PHLPP1: variants seen among roughly 807,000 people sequenced by gnomAD.
PHLPP1 encodes PH domain and leucine rich repeat protein phosphatase 1.
PHLPP1 carries 42 observed loss-of-function variants against 117.2 expected under a neutral mutation model. That is an observed-to-expected ratio of 0.36 (90% CI 0.28 to 0.46). The LOEUF (loss-of-function observed/expected upper bound fraction) is 0.46. Among genes scored for constraint, PHLPP1 ranks in the 20% least tolerant of loss-of-function variants. The pLI is 1.00. For missense variants in PHLPP1, 2,084 were observed against 2,241.9 expected (o/e 0.93, Z 1.42); for synonymous variants, 1,042 against 970.7 (o/e 1.07, Z -1.37).
chr18:62,770,572 C>G (rs996189985), intron 1 of PHLPP1, among the ~76,000 whole-genome samples: 1 of 152,168 alleles, frequency 6.6e-6, no homozygotes, highest in African/African-American at 2.4e-5. Context: ...ACCATACATT[C>G]TTTTTGCATT....
chr18:62,761,575 G>A (rs1358360257), intron 1 of PHLPP1, among the ~76,000 whole-genome samples: 1 of 151,962 alleles, frequency 6.6e-6, no homozygotes, highest in African/African-American at 2.4e-5. Context: ...GGAGCTTGCA[G>A]TGAGCCGAGA....
intron 3 of PHLPP1, among the ~76,000 whole-genome samples, chr18:62,840,566 A>G (rs925450399): frequency 2.0e-5 from 3 of 152,180 alleles, no homozygotes; most frequent in Non-Finnish European, 4.4e-5. Context: ...ATTTATATCA[A>G]AGTGGTTTTA....
At position 62,975,452 on chromosome 18, in the gene PHLPP1, A is replaced by C. The variant is rs749357210; in HGVS notation, c.3811A>C (p.Lys1271Gln). 5 of 1,613,928 alleles carry C rather than the reference A, an allele frequency of 3.1e-6. No individual in the cohort carries two copies. The highest frequency in any genetic ancestry group is 1.3e-5 in the African/African-American group (1 of 75,034). Residue 1271 changes from lysine to glutamine, a missense_variant, in exon 16 of 17, where the codon AAG becomes CAG. Physicochemically the swap from Lys to Gln is moderately conservative, Grantham distance 53. Around this residue, in one of 2 missense-constraint regions of PHLPP1, gnomAD observed 1,365 missense variants for 1,605.9 expected, o/e 0.85. Transcript: ENST00000262719. The part of the protein sequence containing the change: ...LGGAAVLCHI[K>Q]HDPVDPGGSF... The stretch of plus-strand genomic sequence containing the variant: ...TGGTGCCGCTGTCCTTTGTCATATC[A>C]AGCATGACCCTGTGGATCCAGGAGG...
intron 1 of PHLPP1, among the ~76,000 whole-genome samples, chr18:62,821,131 T>C (rs1009354481): frequency 3.3e-5 from 5 of 152,060 alleles, no homozygotes; most frequent in African/African-American, 1.2e-4. Flanking sequence ...GAAGAGAATC[T>C]CAAAATTAGT....
At position 62,830,240 on chromosome 18, in the gene PHLPP1, G is replaced by T; in HGVS notation, c.1773+9G>T. The T allele has an allele frequency of 6.5e-7, 1 of 1,546,590 alleles. No individual in the cohort carries two copies. The highest frequency in any genetic ancestry group is 8.7e-7 in the Non-Finnish European group (1 of 1,143,482). ...CACTAATTGGTGGAAAAGTAAGTTT[G>T]TTTGTTTGTTTGTTTATTGAGTCAG... On this transcript the variant is annotated intron_variant, in intron 2 of 16. Transcript: ENST00000262719.
intron 10 of PHLPP1, 52 bp from the exon 11 acceptor site, chr18:62,941,666 T>C (rs1344171130): frequency 5.2e-6 from 7 of 1,358,418 alleles, no homozygotes; most frequent in Non-Finnish European, 6.2e-6. Context: ...TTAGGTTTCT[T>C]GAGGGTTTTT....
At chr18:62,834,382 A>T (rs1914834598) in intron 2 of PHLPP1, among the ~76,000 whole-genome samples, 1 of 152,100 alleles carries the variant, frequency 6.6e-6, no homozygotes, top group African/African-American at 2.4e-5. Context: ...GCTGCAGGGG[A>T]CACTCTTGGC....
chr18:62,771,211 CAAAAAAAAAAA>C (rs766950169), intron 1 of PHLPP1, among the ~76,000 whole-genome samples: 2 of 58,726 alleles, frequency 3.4e-5, no homozygotes, highest in African/African-American at 5.4e-5. Flanking sequence ...GAGACTGTCT[CAAAAAAAAAAA>C]AAAAAAAAGA....
At chr18:62,808,552 T>C (rs997946434) in intron 1 of PHLPP1, among the ~76,000 whole-genome samples, 3 of 151,558 alleles carry the variant, frequency 2.0e-5, no homozygotes, top group African/African-American at 7.3e-5. Flanking sequence ...TCTCTGTTTT[T>C]TTTTGTTTTT....
At chr18:62,848,878 T>C (rs1415523379) in intron 3 of PHLPP1, among the ~76,000 whole-genome samples, 1 of 152,254 alleles carries the variant, frequency 6.6e-6, no homozygotes, top group East Asian at 1.9e-4. Context: ...CATTAAGTTC[T>C]ACTACCTTAC....
At chr18:62,826,231 A>G (rs752993686) in intron 1 of PHLPP1, 4 of 424,328 alleles carry the variant, frequency 9.4e-6, no homozygotes, top group Non-Finnish European at 1.9e-5. Context: ...AAAAGATTGA[A>G]CTAGCTTACT....
intron 1 of PHLPP1, chr18:62,826,200 A>C (rs1266808663): frequency 2.9e-6 from 1 of 339,040 alleles, no homozygotes; most frequent in African/African-American, 2.2e-5. Context: ...TCATATTTTT[A>C]AGGTAGCTTT....
At chr18:62,872,765 T>G (rs562763413) in intron 4 of PHLPP1, among the ~76,000 whole-genome samples, 1 of 151,530 alleles carries the variant, frequency 6.6e-6, no homozygotes, top group East Asian at 1.9e-4. Context: ...GGTGAGTGGA[T>G]TATTTGAGGT....
At chr18:62,920,515 C>G (rs1909428172) in intron 10 of PHLPP1, among the ~76,000 whole-genome samples, 1 of 152,096 alleles carries the variant, frequency 6.6e-6, no homozygotes, top group Non-Finnish European at 1.5e-5. Context: ...TGAATTGTCC[C>G]AGAGTTAGCT....
At chr18:62,875,925 G>T (rs534859024) in intron 4 of PHLPP1, among the ~76,000 whole-genome samples, 2 of 152,040 alleles carry the variant, frequency 1.3e-5, no homozygotes, top group Non-Finnish European at 2.9e-5. Context: ...TAAAGACGGG[G>T]TTTCACCATG....
At chr18:62,957,413 T>A (rs973946451) in intron 12 of PHLPP1, among the ~76,000 whole-genome samples, 6 of 152,100 alleles carry the variant, frequency 3.9e-5, no homozygotes, top group Non-Finnish European at 8.8e-5. Flanking sequence ...AGAGTCCAGA[T>A]GTTGATGCCT....
At chr18:62,853,399 T>TG (rs1446728405) in intron 3 of PHLPP1, among the ~76,000 whole-genome samples, 1 of 151,944 alleles carries the variant, frequency 6.6e-6, no homozygotes, top group East Asian at 1.9e-4. Flanking sequence ...GATGGAGTCT[T>TG]GCTGTTGTTG....
chr18:62,717,225 C>T lies in PHLPP1; in HGVS notation c.1542C>T (p.Asp514=). The T allele has an allele frequency of 1.2e-6, 2 of 1,602,462 alleles. No individual in the cohort carries two copies. The highest frequency in any genetic ancestry group is 1.7e-6 in the Non-Finnish European group (2 of 1,172,576). Residue 514 remains aspartate (D), a synonymous_variant, in exon 1 of 17, where the codon GAC becomes GAT. Coordinates refer to ENST00000262719, the MANE Select transcript of PHLPP1 (RefSeq NM_194449.4). The stretch of plus-strand genomic sequence containing the variant: ...GGAGGGTGCAGGAGGAAGGCATGGA[C>T]TCGGAGATTGGCTGCCTCATCCGCT... ...ELWRVQEEGM[D]SEIGCLIRFY...
At chr18:62,870,958 T>C (rs1318082004) in intron 4 of PHLPP1, among the ~76,000 whole-genome samples, 2 of 152,168 alleles carry the variant, frequency 1.3e-5, no homozygotes, top group Admixed American at 1.3e-4. Flanking sequence ...TTTGGTGGTG[T>C]TGATGGTTTC....
Sources: allele counts gnomAD v4.1 joint callset (sites outside exome capture counted in the v4.1 genomes callset), GRCh38; gene constraint gnomAD v4.1.1; regional missense constraint gnomAD v4.1.1; transcripts MANE v1.5; gene names NCBI Gene and HGNC (gene_info 2026-07-23, HGNC 2026-07-21).